Variants in MKX observed in about 807,000 individuals in gnomAD.
MKX encodes the protein mohawk homeobox.
MKX carries 13 observed loss-of-function variants against 36.0 expected under a neutral mutation model. That is an observed-to-expected ratio of 0.36 (90% CI 0.24 to 0.57). The LOEUF (loss-of-function observed/expected upper bound fraction) is 0.57, where lower values mean the gene tolerates loss of function less well. Among genes scored for constraint, MKX ranks in the 20% least tolerant of loss-of-function variants. The pLI is 0.79. For missense variants in MKX, 458 were observed against 456.4 expected, an observed-to-expected ratio of 1.00 and a Z score of -0.03; for synonymous variants, 176 against 178.3, an observed-to-expected ratio of 0.99 and a Z score of 0.10.
chr10:27,734,278 C>T (rs1834698590), intron 5 of MKX, among the ~76,000 whole-genome samples, 178 bp downstream of exon 5: 1 of 152,108 alleles, frequency 6.6e-6, no homozygotes. Flanking sequence ...AGACCATAAT[C>T]TACTAACAAA....
chr10:27,730,977 A>G (rs1313822001), intron 5 of MKX, among the ~76,000 whole-genome samples: 1 of 151,740 alleles, frequency 6.6e-6, no homozygotes, highest in Admixed American at 6.6e-5. Flanking sequence ...TACTAAAAAT[A>G]CAAAAAATTA....
At chr10:27,712,799 C>T (rs976883594) in intron 5 of MKX, among the ~76,000 whole-genome samples, 5 of 152,086 alleles carry the variant, frequency 3.3e-5, no homozygotes, top group Admixed American at 2.0e-4. Flanking sequence ...TAGCAAGGTG[C>T]AGTGGTGAGT....
At chr10:27,675,612 C>A in intron 5 of MKX, 58 bp from the exon 6 acceptor site, 1 of 1,520,250 alleles carries the variant, frequency 6.6e-7, no homozygotes, top group South Asian at 1.2e-5. Context: ...TTTCTCATCT[C>A]AGGAGTTTCA....
Position 27,741,604 on chromosome 10 carries a change from C to G in MKX, c.189-100G>C. 7.3e-7 allele frequency: 1 copy of G among 1,367,064 alleles called. No individual in the cohort carries two copies. Among genetic ancestry groups the G allele is most frequent in the South Asian group, 1.5e-5 (1 of 66,442 alleles). 84.7% of individuals were successfully genotyped at this position (1,367,064 alleles called of 1,614,324 possible). ...GCCCGGGCCCCGCATCCAAACTGCG[C>G]ATTCCTGCCTTGCGCCCCTGCTTTG... On this transcript the variant is annotated intron_variant, in intron 2 of 6. Transcript: ENST00000419761. The surrounding 1 kb of genome is among the most constrained non-coding windows in gnomAD (Gnocchi z 5.1).
intron 5 of MKX, among the ~76,000 whole-genome samples, chr10:27,702,554 G>A (rs776574246): frequency 3.3e-5 from 5 of 152,164 alleles, no homozygotes; most frequent in African/African-American, 4.8e-5. Flanking sequence ...CCTACATACC[G>A]AAGTTATTAT....
At chr10:27,690,752 G>C (rs1465256092) in intron 5 of MKX, among the ~76,000 whole-genome samples, 1 of 152,140 alleles carries the variant, frequency 6.6e-6, no homozygotes, top group Admixed American at 6.5e-5. Context: ...GCCACTCCAA[G>C]CTCCATAAAG....
Position 27,741,420 on chromosome 10 carries a change from C to T in MKX, c.273G>A (p.Lys91=), listed in dbSNP as rs996513621. 20 of 1,612,884 alleles carry T rather than the reference C, an allele frequency of 1.2e-5. No homozygotes were observed. The highest frequency in any genetic ancestry group is 1.4e-5 in the Non-Finnish European group (17 of 1,179,572). ...MARPLKQWLY[K]HRDNPYPTKT... The stretch of plus-strand genomic sequence containing the variant: ...TGGTGGGGTACGGGTTGTCACGGTG[C>T]TTGTAAAGCCACTGCTTGAGGGGTC... Residue 91 remains lysine (K), a synonymous_variant, in exon 3 of 7, where the codon AAG becomes AAA. Coordinates refer to ENST00000419761, the MANE Select transcript of MKX (RefSeq NM_173576.3). This position sits in a 1 kb window ranked among gnomAD's most constrained non-coding sequence, Gnocchi z 5.1.
Position 27,744,425 on chromosome 10 carries a change from C to A in MKX, c.-82-928G>T, listed in dbSNP as rs1182811414. Among the ~76,000 whole-genome samples, 1 of 152,140 alleles carries A rather than the reference C, an allele frequency of 6.6e-6. No homozygotes were observed. Among genetic ancestry groups the A allele is most frequent in the Non-Finnish European group, 1.5e-5 (1 of 68,022 alleles). ...CAGCTTGGTCGGCGCACCTCCCGGG[C>A]CACTGCTGCCACTGTCGGGGAGAGC... On this transcript the variant is annotated intron_variant, in intron 1 of 6. Coordinates refer to ENST00000419761, the MANE Select transcript of MKX (RefSeq NM_173576.3). This position sits in a 1 kb window ranked among gnomAD's most constrained non-coding sequence, Gnocchi z 5.6.
At chr10:27,720,258 A>G (rs1433346029) in intron 5 of MKX, among the ~76,000 whole-genome samples, 1 of 151,996 alleles carries the variant, frequency 6.6e-6, no homozygotes, top group African/African-American at 2.4e-5. Flanking sequence ...GATAAAATAC[A>G]TTCCAGCTCA....
chr10:27,683,967 T>C (rs1836298922), intron 5 of MKX, among the ~76,000 whole-genome samples: 1 of 152,338 alleles, frequency 6.6e-6, no homozygotes, highest in African/African-American at 2.4e-5. Context: ...TGGGCTTCCA[T>C]ACCCATCTAC....
intron 5 of MKX, among the ~76,000 whole-genome samples, chr10:27,708,532 C>A (rs1275981343): frequency 6.6e-6 from 1 of 152,020 alleles, no homozygotes; most frequent in Non-Finnish European, 1.5e-5. Flanking sequence ...GAGATCGAGA[C>A]CATTCTGACC....
chr10:27,712,828 TAG>T (rs1216009068), intron 5 of MKX, among the ~76,000 whole-genome samples: 4 of 152,056 alleles, frequency 2.6e-5, no homozygotes, highest in African/African-American at 9.7e-5. Context: ...TCCTAGCTAC[TAG>T]AGAAGCTGAG....
At chr10:27,679,513 G>A (rs562758397) in intron 5 of MKX, among the ~76,000 whole-genome samples, 2 of 152,162 alleles carry the variant, frequency 1.3e-5, no homozygotes, top group African/African-American at 4.8e-5. Flanking sequence ...TGTCACTAGG[G>A]TATTTTGAGT....
At chr10:27,698,406 T>C (rs1431410192) in intron 5 of MKX, among the ~76,000 whole-genome samples, 4 of 151,982 alleles carry the variant, frequency 2.6e-5, no homozygotes, top group Non-Finnish European at 5.9e-5. Flanking sequence ...CCAGGGGAGA[T>C]GCGAGGAGTC....
chr10:27,733,140 T>A (rs1324391994), intron 5 of MKX, among the ~76,000 whole-genome samples: 2 of 152,170 alleles, frequency 1.3e-5, no homozygotes, highest in South Asian at 2.1e-4. Context: ...ATTTTGAGTG[T>A]TTGGAGTTTG....
chr10:27,716,436 CA>C (rs56913373), intron 5 of MKX, among the ~76,000 whole-genome samples: 36 of 127,640 alleles, frequency 2.8e-4, no homozygotes, highest in East Asian at 4.9e-4. Flanking sequence ...AAAAAAAAAG[CA>C]AAAAAAAAAA....
rs966391308 is a variant in MKX at position 27,743,430 on chromosome 10, G to A, written c.-15C>T. On this transcript the variant is annotated 5_prime_UTR_variant, in exon 2 of 7. Coordinates refer to ENST00000419761, the MANE Select transcript of MKX (RefSeq NM_173576.3). Reference sequence around the variant, plus strand: ...ATGGTGTTCATGGTGTCGGTTGGTAGGGACGCGCGGCGCGGCCGCAGAGCC... The same window carrying A: ...ATGGTGTTCATGGTGTCGGTTGGTAAGGACGCGCGGCGCGGCCGCAGAGCC... 2.0e-6 allele frequency: 3 copies of A among 1,528,616 alleles called. No homozygotes were observed. The highest frequency in any genetic ancestry group is 1.8e-6 in the Non-Finnish European group (2 of 1,141,302). 94.7% of individuals were successfully genotyped at this position (1,528,616 alleles called of 1,614,324 possible).
At chr10:27,685,615 A>ATT (rs372782521) in intron 5 of MKX, among the ~76,000 whole-genome samples, 1 of 151,624 alleles carries the variant, frequency 6.6e-6, no homozygotes, top group African/African-American at 2.4e-5. Flanking sequence ...CGCCTGGCTA[A>ATT]TTTTTTTTGT....
At chr10:27,676,903 A>G (rs1277145168) in intron 5 of MKX, among the ~76,000 whole-genome samples, 1 of 152,112 alleles carries the variant, frequency 6.6e-6, no homozygotes, top group Non-Finnish European at 1.5e-5. Flanking sequence ...TTTGGTTTAG[A>G]TTTGCTGCTT....
Sources: allele counts gnomAD v4.1 joint callset (sites outside exome capture counted in the v4.1 genomes callset), GRCh38; gene constraint gnomAD v4.1.1; non-coding constraint Gnocchi (gnomAD v3.1); transcripts MANE v1.5; gene names NCBI Gene and HGNC (gene_info 2026-07-23, HGNC 2026-07-21).